The following LHX8 variants were observed in gnomAD, a reference collection of about 807,000 sequenced individuals.
LHX8 encodes the protein LIM/homeobox protein Lhx8.
A neutral mutation model predicts 40.3 loss-of-function variants in LHX8; 12 were observed. That is an observed-to-expected ratio of 0.30 (90% confidence interval 0.19 to 0.48). LHX8 has a LOEUF of 0.48. Among genes scored for constraint, LHX8 ranks in the 20% least tolerant of loss-of-function variants. LHX8 has a pLI of 0.99. For missense variants in LHX8, 344 were observed against 433.7 expected, an observed-to-expected ratio of 0.79 and a Z score of 1.84; for synonymous variants, 179 against 162.0, an observed-to-expected ratio of 1.10 and a Z score of -0.80.
At chr1:75,180,029 C>A in the LHX8 span, among the ~76,000 whole-genome samples, 1 of 152,214 alleles carries the variant, frequency 6.6e-6, no homozygotes, top group Non-Finnish European at 1.5e-5. Context: ...CTACTCTCTT[C>A]TGGCTTGTAG....
chr1:75,160,696 G>T, intron 8 of LHX8, 123 bp from the exon 9 acceptor site: 1 of 745,108 alleles, frequency 1.3e-6, no homozygotes, highest in Non-Finnish European at 2.5e-6. Context: ...TGGAATGAGT[G>T]TAGCTTGGTG....
At chr1:75,133,402 A>T (rs1486995696), upstream of LHX8, among the ~76,000 whole-genome samples, 2 of 152,150 alleles carry the variant, frequency 1.3e-5, no homozygotes, top group Non-Finnish European at 2.9e-5. Context: ...TTTCTTCTAT[A>T]CAAATAAGGC....
chr1:75,178,123 G>A, the LHX8 span, among the ~76,000 whole-genome samples: 1 of 152,142 alleles, frequency 6.6e-6, no homozygotes. Context: ...CAGGGATATT[G>A]GTCTAAAATT....
At chr1:75,182,405 C>G in the LHX8 span, among the ~76,000 whole-genome samples, 4 of 122,456 alleles carry the variant, frequency 3.3e-5, no homozygotes, top group African/African-American at 1.3e-4. Context: ...CCGAGTTTCA[C>G]TCTTGTTGCC....
At chr1:75,187,441 A>T in the LHX8 span, among the ~76,000 whole-genome samples, 1 of 152,120 alleles carries the variant, frequency 6.6e-6, no homozygotes, top group African/African-American at 2.4e-5. Flanking sequence ...TTATTATAAG[A>T]CTTGTCCGCA....
chr1:75,147,230 A>G (rs1648483381), intron 6 of LHX8, among the ~76,000 whole-genome samples: 1 of 152,182 alleles, frequency 6.6e-6, no homozygotes, highest in Non-Finnish European at 1.5e-5. Flanking sequence ...AAGAATACTT[A>G]ATTCTAGAAG....
chr1:75,179,974 T>C, the LHX8 span, among the ~76,000 whole-genome samples: 1 of 152,190 alleles, frequency 6.6e-6, no homozygotes, highest in African/African-American at 2.4e-5. Context: ...GATATGAAAT[T>C]CTGGATTGAA....
At chr1:75,134,083 T>C (rs1383225236), upstream of LHX8, among the ~76,000 whole-genome samples, 1 of 152,066 alleles carries the variant, frequency 6.6e-6, no homozygotes, top group Non-Finnish European at 1.5e-5. Context: ...CCTGAATCTT[T>C]GTTTAGGTTT....
At chr1:75,153,998 G>A (rs947354835) in intron 7 of LHX8, among the ~76,000 whole-genome samples, 3 of 152,066 alleles carry the variant, frequency 2.0e-5, no homozygotes, top group Non-Finnish European at 2.9e-5. Flanking sequence ...TTCATTCTCT[G>A]CATTAGTATT....
At chr1:75,139,910 ACAGT>A (rs1648266724) in intron 3 of LHX8, among the ~76,000 whole-genome samples, 1 of 152,116 alleles carries the variant, frequency 6.6e-6, no homozygotes, top group Non-Finnish European at 1.5e-5. Context: ...GCCATATCTC[ACAGT>A]CATTTACTTT....
At chr1:75,184,409 T>C in the LHX8 span, among the ~76,000 whole-genome samples, 1 of 152,128 alleles carries the variant, frequency 6.6e-6, no homozygotes. Flanking sequence ...ACTGAAATCA[T>C]ACCAAACACA....
downstream of LHX8, among the ~76,000 whole-genome samples, chr1:75,166,266 A>T (rs1649034843): frequency 6.6e-6 from 1 of 152,202 alleles, no homozygotes. Context: ...CCTCCCTACA[A>T]ATGGAAAACA....
At chr1:75,159,480 G>C (rs1648858835) in intron 8 of LHX8, 1 of 151,854 alleles carries the variant, frequency 6.6e-6, no homozygotes, top group Non-Finnish European at 1.5e-5. Context: ...GTTCACTAAT[G>C]CTCTCTATAT....
the LHX8 span, among the ~76,000 whole-genome samples, chr1:75,178,823 T>C: frequency 1.3e-5 from 2 of 152,268 alleles, no homozygotes; most frequent in African/African-American, 4.8e-5. Context: ...GCTATAAATT[T>C]CCCTGTACAC....
intron 7 of LHX8, among the ~76,000 whole-genome samples, chr1:75,153,536 C>T (rs1040966072): frequency 2.0e-5 from 3 of 151,518 alleles, no homozygotes; most frequent in East Asian, 1.9e-4. Context: ...CTCAGCCTCT[C>T]GAGCAGCTGG....
At chr1:75,149,185 T>C (rs145222343) in intron 7 of LHX8, among the ~76,000 whole-genome samples, 61 of 152,344 alleles carry the variant, frequency 4.0e-4, no homozygotes, top group Middle Eastern at 3.4e-3. Flanking sequence ...CTGATGGCCT[T>C]TGCCAAAGAT....
the LHX8 span, among the ~76,000 whole-genome samples, chr1:75,179,785 C>T: frequency 1.7e-4 from 26 of 152,090 alleles, no homozygotes; most frequent in African/African-American, 5.6e-4. Context: ...TTCCTAGCAG[C>T]GATGGTCTTT....
upstream of LHX8, chr1:75,130,341 T>C (rs1056661338): frequency 2.0e-5 from 7 of 343,402 alleles, no homozygotes; most frequent in East Asian, 3.3e-4. Context: ...TCGCAGAACT[T>C]GGCTTTCCGC....
upstream of LHX8, among the ~76,000 whole-genome samples, chr1:75,133,307 C>T (rs547300478): frequency 6.7e-6 from 1 of 149,162 alleles, no homozygotes; most frequent in Admixed American, 6.8e-5. Flanking sequence ...TACACAGGCT[C>T]ACTTCATCAC....
Sources: gnomAD v4.1 joint callset for allele counts (sites outside exome capture counted in the v4.1 genomes callset) on GRCh38, gnomAD v4.1.1 for gene constraint, MANE v1.5 for transcripts, NCBI Gene and HGNC (gene_info 2026-07-23, HGNC 2026-07-21) for gene names.